PLGRKT: variants seen among roughly 807,000 people sequenced by gnomAD.
PLGRKT encodes the protein plasminogen receptor with a C-terminal lysine.
A neutral mutation model predicts 18.5 loss-of-function variants in PLGRKT; 22 were observed. The observed-to-expected ratio is 1.19, with a 90% CI of 0.85 to 1.70. The LOEUF (loss-of-function observed/expected upper bound fraction) is 1.70, where lower values mean the gene tolerates loss of function less well. Among genes scored for constraint, PLGRKT ranks in the 40% most tolerant of loss-of-function variants. The pLI is 0.00. For missense variants in PLGRKT, 235 were observed against 174.4 expected, an observed-to-expected ratio of 1.35 and a Z score of -1.96; for synonymous variants, 72 against 52.8, an observed-to-expected ratio of 1.36 and a Z score of -1.58.
At chr9:5,425,802 A>C (rs1247223819) in intron 3 of PLGRKT, among the ~76,000 whole-genome samples, 1 of 152,212 alleles carries the variant, frequency 6.6e-6, no homozygotes, top group Non-Finnish European at 1.5e-5. Flanking sequence ...AAAAGAAAAA[A>C]ACAATAACAC....
At chr9:5,416,242 G>A (rs1214459394) in intron 3 of PLGRKT, among the ~76,000 whole-genome samples, 1 of 151,840 alleles carries the variant, frequency 6.6e-6, no homozygotes, top group East Asian at 1.9e-4. Context: ...CATCTATGGG[G>A]GCTTTTTTCT....
chr9:5,423,171 G>T (rs1462112617), intron 3 of PLGRKT, among the ~76,000 whole-genome samples: 1 of 152,072 alleles, frequency 6.6e-6, no homozygotes, highest in African/African-American at 2.4e-5. Flanking sequence ...ACACAATATT[G>T]AAAGTGTTTG....
intron 3 of PLGRKT, among the ~76,000 whole-genome samples, chr9:5,370,440 T>A (rs1817491686): frequency 6.6e-6 from 1 of 152,244 alleles, no homozygotes; most frequent in Non-Finnish European, 1.5e-5. Context: ...TATTGCAGTT[T>A]TAATTTCATA....
chr9:5,410,485 C>T (rs1004502496), intron 3 of PLGRKT, among the ~76,000 whole-genome samples: 27 of 128,190 alleles, frequency 2.1e-4, no homozygotes, highest in African/African-American at 7.5e-4. Context: ...GGTAACAGAG[C>T]AAGACTCTGT....
chr9:5,432,623 G>C (rs940652659), intron 2 of PLGRKT, among the ~76,000 whole-genome samples: 3 of 151,534 alleles, frequency 2.0e-5, no homozygotes, highest in Admixed American at 6.6e-5. Flanking sequence ...TCGGCCTGCC[G>C]AGTGCCAGGG....
intron 3 of PLGRKT, among the ~76,000 whole-genome samples, chr9:5,389,223 G>C (rs1271235570): frequency 2.0e-5 from 3 of 151,944 alleles, no homozygotes; most frequent in Non-Finnish European, 4.4e-5. Flanking sequence ...GTGAAAAATA[G>C]TAAGGCTGCA....
At chr9:5,359,822 A>G (rs1175575044) in intron 5 of PLGRKT, among the ~76,000 whole-genome samples, 1 of 152,212 alleles carries the variant, frequency 6.6e-6, no homozygotes, top group African/African-American at 2.4e-5. Flanking sequence ...ATGCTGGTGA[A>G]TATTTACCAA....
chr9:5,433,384 AC>A (rs1563793833), intron 2 of PLGRKT, among the ~76,000 whole-genome samples: 1 of 127,196 alleles, frequency 7.9e-6, no homozygotes, highest in Non-Finnish European at 1.6e-5. Context: ...CTGACCGTCC[AC>A]CGTCTGGGAT....
chr9:5,368,050 C>T (rs1023075091), intron 3 of PLGRKT, among the ~76,000 whole-genome samples: 4 of 152,114 alleles, frequency 2.6e-5, no homozygotes, highest in African/African-American at 9.7e-5. Context: ...CATCTCACAC[C>T]AGTCAGAATG....
At chr9:5,371,294 C>T (rs1433781753) in intron 3 of PLGRKT, among the ~76,000 whole-genome samples, 2 of 152,166 alleles carry the variant, frequency 1.3e-5, no homozygotes, top group African/African-American at 4.8e-5. Context: ...CAACAAAAGA[C>T]CATCCACTTC....
chr9:5,424,762 C>T (rs1818664019), intron 3 of PLGRKT, among the ~76,000 whole-genome samples: 1 of 144,984 alleles, frequency 6.9e-6, no homozygotes, highest in Admixed American at 7.1e-5. Flanking sequence ...TGTCACGTTG[C>T]CCGGGCTGGT....
At chr9:5,427,755 T>C (rs1014599226) in intron 3 of PLGRKT, among the ~76,000 whole-genome samples, 1 of 152,140 alleles carries the variant, frequency 6.6e-6, no homozygotes, top group African/African-American at 2.4e-5. Flanking sequence ...ATAGTTTTGG[T>C]GGCAAATGTG....
At chr9:5,416,551 C>T (rs560038332) in intron 3 of PLGRKT, among the ~76,000 whole-genome samples, 1 of 152,200 alleles carries the variant, frequency 6.6e-6, no homozygotes, top group South Asian at 2.1e-4. Flanking sequence ...AATAATAAAG[C>T]AATCCACCCC....
At chr9:5,436,512 C>G (rs1448532808) in intron 2 of PLGRKT, 57 bp downstream of exon 2, 1 of 152,176 alleles carries the variant, frequency 6.6e-6, no homozygotes, top group African/African-American at 2.4e-5. Context: ...AGAGAGAGTC[C>G]TCATGTCAAT....
intron 3 of PLGRKT, among the ~76,000 whole-genome samples, chr9:5,421,358 T>C (rs1309564123): frequency 2.0e-5 from 3 of 152,216 alleles, no homozygotes; most frequent in East Asian, 1.9e-4. Context: ...CTACCAAAAA[T>C]GGGGTTTCCC....
chr9:5,400,304 T>C (rs1039428341), intron 3 of PLGRKT, among the ~76,000 whole-genome samples: 3 of 151,998 alleles, frequency 2.0e-5, no homozygotes, highest in Non-Finnish European at 2.9e-5. Flanking sequence ...TCAAAACATA[T>C]GTGGCTTCAA....
At chr9:5,436,231 T>C (rs1818956612) in intron 2 of PLGRKT, among the ~76,000 whole-genome samples, 2 of 152,230 alleles carry the variant, frequency 1.3e-5, no homozygotes, top group Non-Finnish European at 1.5e-5. Flanking sequence ...GAGCGAGATA[T>C]TATCCATCTT....
intron 3 of PLGRKT, among the ~76,000 whole-genome samples, chr9:5,365,317 C>T (rs1439626893): frequency 1.3e-5 from 2 of 152,112 alleles, no homozygotes; most frequent in Admixed American, 6.5e-5. Flanking sequence ...AAAGCTGGAA[C>T]AATTTTATCA....
Position 5,433,503 on chromosome 9 carries a change from G to A in PLGRKT, c.-6-1520C>T, listed in dbSNP as rs548610520. Among the ~76,000 whole-genome samples the A allele has an allele frequency of 1.7e-4, 25 of 145,432 alleles. 1 individual carries two copies. In the South Asian group the frequency reaches 3.4e-3, roughly 20 times the overall value. ...GAGCGACTCTGCCTGACCACCCATC[G>A]TCTGGGATGTGAGGAGCGCCTTTGC... On this transcript the variant is annotated intron_variant, in intron 2 of 5. Transcript: ENST00000223864.
Sources: gnomAD v4.1 joint callset for allele counts (sites outside exome capture counted in the v4.1 genomes callset) on GRCh38, gnomAD v4.1.1 for gene constraint, MANE v1.5 for transcripts, NCBI Gene and HGNC (gene_info 2026-07-23, HGNC 2026-07-21) for gene names.